ATXN7: variants seen among roughly 807,000 people sequenced by gnomAD.
The protein encoded by ATXN7 is ataxin 7.
In ATXN7, 12 loss-of-function variants were observed where a neutral mutation model predicts 70.5. The ratio of observed to expected loss-of-function variants is 0.17; its 90% confidence interval spans 0.11 to 0.28. The LOEUF is 0.28. Among genes scored for constraint, ATXN7 ranks in the 10% least tolerant of loss-of-function variants. The pLI is 1.00. For missense variants in ATXN7, 1,256 were observed against 1,131.7 expected, an observed-to-expected ratio of 1.11 and a Z score of -1.58; for synonymous variants, 498 against 448.7, an observed-to-expected ratio of 1.11 and a Z score of -1.39.
rs983071104 is a variant in ATXN7 at position 63,903,135 on chromosome 3, C to G, written c.-12+4638C>G. Among the ~76,000 whole-genome samples, 6 of 152,162 alleles carry G rather than the reference C, an allele frequency of 3.9e-5. No homozygotes were observed. The East Asian group carries it at 1.2e-3, about 30-fold the overall frequency. On this transcript the variant is annotated intron_variant, in intron 2 of 12. Coordinates refer to ENST00000674280, the MANE Select transcript of ATXN7 (RefSeq NM_001377405.1). ...GTGGGCCGGGCACGGTGGCTCACGC[C>G]TGTAATTCCGGCACTTTGGGAGGCC...
rs376166098 is a variant in ATXN7 at position 63,979,953 on chromosome 3, G to A, written c.538G>A (p.Val180Ile). ...HSSSSKPPLA[V>I]PPTSVFSFFP... is the part of the protein sequence containing the mutation. ...CTCATCCAGCAAGCCGCCTTTGGCC[G>A]TTCCTCCCACTTCAGTATTTTCCTT... The change falls in exon 6 of 13, where the codon GTT becomes ATT. Residue 180 changes from valine (V) to isoleucine (I), a missense_variant. Val to Ile is a conservative substitution (Grantham distance 29). Coordinates refer to ENST00000674280, the MANE Select transcript of ATXN7 (RefSeq NM_001377405.1). The A allele has an allele frequency of 8.0e-5, 129 of 1,614,128 alleles. No individual in the cohort carries two copies. The East Asian group carries it at 1.3e-3, about 17-fold the overall frequency.
rs973587910 is a variant in ATXN7, at chr3:63,902,947, A to G, written c.-12+4450A>G. Among the ~76,000 whole-genome samples the G allele has an allele frequency of 3.3e-5, 5 of 152,296 alleles. No individual in the cohort carries two copies. In the South Asian group the frequency reaches 1.0e-3, roughly 32 times the overall value. On this transcript the variant is annotated intron_variant, in intron 2 of 12. Transcript: ENST00000674280. ...TAAACATTATATAAATATATATGCT[A>G]ATAAAAAGTTCCTTTAAGTTTAAAG... is the stretch of plus-strand genomic sequence containing the variant.
intron 4 of ATXN7, among the ~76,000 whole-genome samples, chr3:63,941,717 G>T (rs895867599): frequency 2.0e-5 from 3 of 152,006 alleles, no homozygotes; most frequent in Admixed American, 2.0e-4. Flanking sequence ...TTGGTCTCTC[G>T]TTGGTTCCAT....
At chr3:63,910,776 A>C (rs927106651) in intron 2 of ATXN7, among the ~76,000 whole-genome samples, 1 of 152,188 alleles carries the variant, frequency 6.6e-6, no homozygotes, top group Non-Finnish European at 1.5e-5. Flanking sequence ...TTTGCACGCA[A>C]TCCAGGAAAA....
chr3:63,910,833 T>C (rs1249843178), intron 2 of ATXN7, among the ~76,000 whole-genome samples: 1 of 151,938 alleles, frequency 6.6e-6, no homozygotes, highest in Non-Finnish European at 1.5e-5. Context: ...AAAATGTGTG[T>C]GTGTGTGTGT....
chr3:63,990,337 A>G lies in ATXN7; in HGVS notation c.1523A>G (p.Asp508Gly), dbSNP rs778602670. 2 of 1,613,884 alleles carry G rather than the reference A, an allele frequency of 1.2e-6. No homozygotes were observed. Among genetic ancestry groups the G allele is most frequent in the South Asian group, 2.2e-5 (2 of 91,082 alleles). ...DDKEESVEKL[D>G]CHYSGHHPQP... ...AAAGAAGAGTCTGTTGAAAAACTGG[A>G]CTGTCATTATTCAGGTCATCATCCT... Residue 508 changes from aspartate to glycine, a missense_variant, in exon 10 of 13, where the codon GAC becomes GGC. Asp to Gly is a moderately conservative substitution (Grantham distance 94, BLOSUM62 -1). Coordinates refer to ENST00000674280, the MANE Select transcript of ATXN7 (RefSeq NM_001377405.1).
At chr3:63,887,045 G>A (rs1703108741) in intron 1 of ATXN7, among the ~76,000 whole-genome samples, 1 of 152,168 alleles carries the variant, frequency 6.6e-6, no homozygotes, top group Admixed American at 6.6e-5. Context: ...GTTTCAATGG[G>A]CACTGGAAAT....
Position 63,918,194 on chromosome 3 carries a change from A to G in ATXN7, c.394+4969A>G, listed in dbSNP as rs546048376. Among the ~76,000 whole-genome samples, 521 of 152,234 alleles carry G rather than the reference A, an allele frequency of 3.4e-3. 2 individuals are homozygous for G. Among genetic ancestry groups the G allele is most frequent in the South Asian group, 0.019 (92 of 4,828 alleles). The stretch of plus-strand genomic sequence containing the variant: ...AGAGTTCAAAACAAACAAACAAACA[A>G]ACAAACAAAACAGGCTTGCTAGGAG... On this transcript the variant is annotated intron_variant, in intron 4 of 12. Coordinates refer to ENST00000674280, the MANE Select transcript of ATXN7 (RefSeq NM_001377405.1).
chr3:63,995,942 G>C lies in ATXN7; in HGVS notation c.2120G>C (p.Arg707Pro). 6 of 1,614,110 alleles carry C rather than the reference G, an allele frequency of 3.7e-6. No individual in the cohort carries two copies. The highest frequency in any genetic ancestry group is 5.1e-6 in the Non-Finnish European group (6 of 1,180,022). The change falls in exon 12 of 13, where the codon CGC becomes CCC. Residue 707 changes from arginine to proline, a missense_variant. Coordinates refer to ENST00000674280, the MANE Select transcript of ATXN7 (RefSeq NM_001377405.1). ...ACCAGTGGCGGCTCAGGAAAGAAACGCAAAAACAGTTCCCCACTGTTGGTT... is the reference window on the plus strand; with the variant it reads ...ACCAGTGGCGGCTCAGGAAAGAAACCCAAAAACAGTTCCCCACTGTTGGTT... ...SSTSGGSGKK[R>P]KNSSPLLVHS...
chr3:63,877,074 A>C (rs1163999467), intron 1 of ATXN7, among the ~76,000 whole-genome samples: 1 of 152,228 alleles, frequency 6.6e-6, no homozygotes, highest in Non-Finnish European at 1.5e-5. Flanking sequence ...TTTTAATTTA[A>C]GAGCAAAGTC....
intron 1 of ATXN7, among the ~76,000 whole-genome samples, chr3:63,874,820 G>T (rs1376792730): frequency 6.6e-6 from 1 of 152,112 alleles, no homozygotes; most frequent in Non-Finnish European, 1.5e-5. Flanking sequence ...GTCTGTTCAG[G>T]CTACTCTAAC....
rs1346500880 is a variant in ATXN7, at chr3:64,001,195, A to G, written c.*1728A>G. ...GTAAGAAAACAAAAACTTTATGCAGATACTTTAGCTATAAATTGATGTAAA... is the reference window on the plus strand; with the variant it reads ...GTAAGAAAACAAAAACTTTATGCAGGTACTTTAGCTATAAATTGATGTAAA... On this transcript the variant is annotated 3_prime_UTR_variant, in exon 13 of 13. Coordinates refer to ENST00000674280, the MANE Select transcript of ATXN7 (RefSeq NM_001377405.1). 1 of 152,146 alleles carries G rather than the reference A, an allele frequency of 6.6e-6. No individual in the cohort carries two copies. The highest frequency in any genetic ancestry group is 1.5e-5 in the Non-Finnish European group (1 of 68,044). 9.4% of individuals were successfully genotyped at this position (152,146 alleles called of 1,614,324 possible). A position where few individuals can be genotyped will look rare whatever the true frequency, so the allele number is the denominator to read the frequency against.
At chr3:63,969,254 C>G (rs1210878516) in intron 5 of ATXN7, among the ~76,000 whole-genome samples, 1 of 152,106 alleles carries the variant, frequency 6.6e-6, no homozygotes, top group East Asian at 1.9e-4. Context: ...TTTCCATGTT[C>G]TGGTCTTCAG....
At chr3:63,979,505 TAGAA>T (rs1289066448) in intron 5 of ATXN7, among the ~76,000 whole-genome samples, 27 of 152,348 alleles carry the variant, frequency 1.8e-4, no homozygotes, top group East Asian at 9.6e-4. Flanking sequence ...GGTGCGGTGT[TAGAA>T]AGGAAGAAAG....
chr3:63,985,372 G>A (rs955771095), intron 8 of ATXN7, among the ~76,000 whole-genome samples: 1 of 152,136 alleles, frequency 6.6e-6, no homozygotes, highest in African/African-American at 2.4e-5. Flanking sequence ...AATAAGTCTT[G>A]AGACCCAGCT....
intron 4 of ATXN7, among the ~76,000 whole-genome samples, chr3:63,950,595 A>G (rs975819679): frequency 6.6e-6 from 1 of 152,216 alleles, no homozygotes; most frequent in African/African-American, 2.4e-5. Context: ...ACAGAAGCAT[A>G]TGGAACTTAC....
Position 63,913,244 on chromosome 3 carries a change from A to C in ATXN7, c.394+19A>C. ...CGGGAAGGTGAGTCCAGCCCCCCTG[A>C]TGGAGTTTGTACAAACCCCTGGGAA... On this transcript the variant is annotated intron_variant, in intron 4 of 12. Transcript: ENST00000674280. The C allele has an allele frequency of 1.2e-6, 2 of 1,611,634 alleles. No homozygotes were observed. Among genetic ancestry groups the C allele is most frequent in the Non-Finnish European group, 1.7e-6 (2 of 1,178,090 alleles).
rs1211747395 is a variant in ATXN7 at position 63,864,056 on chromosome 3, C to A, written c.-213C>A. On this transcript the variant is annotated 5_prime_UTR_variant, in exon 1 of 13. Transcript: ENST00000674280. ...CGCGAGTTGGGGCGAGGCTTGGCGG[C>A]CGGCGGCGGCCCCGGCTGCAGCCCG... Among the ~76,000 whole-genome samples, 2 of 143,904 alleles carry A rather than the reference C, an allele frequency of 1.4e-5. No homozygotes were observed. Among genetic ancestry groups the A allele is most frequent in the Admixed American group, 6.8e-5 (1 of 14,614 alleles). 94.4% of individuals were successfully genotyped at this position (143,904 alleles called of 152,430 possible).
rs571505852 is a variant in ATXN7, at chr3:63,895,801, G to C, written c.-110-2598G>C. On this transcript the variant is annotated intron_variant, in intron 1 of 12. Coordinates refer to ENST00000674280, the MANE Select transcript of ATXN7 (RefSeq NM_001377405.1). ...TTTCTCTGTCTCTCTCTCTCTCTCT[G>C]TGTCTCTCTCTCTCTTTCTTGTTTT... Among the ~76,000 whole-genome samples, 103 of 147,460 alleles carry C rather than the reference G, an allele frequency of 7.0e-4. 1 individual carries two copies. The highest frequency in any genetic ancestry group is 2.4e-3 in the African/African-American group (94 of 38,862).
Sources: gnomAD v4.1 joint callset for allele counts (sites outside exome capture counted in the v4.1 genomes callset) on GRCh38, gnomAD v4.1.1 for gene constraint, MANE v1.5 for transcripts, NCBI Gene and HGNC (gene_info 2026-07-23, HGNC 2026-07-21) for gene names.